Variants in TNS1 observed in about 807,000 individuals in gnomAD.
The protein encoded by TNS1 is tensin-1.
In TNS1, 62 loss-of-function variants were observed where a neutral mutation model predicts 168.6. The observed-to-expected ratio is 0.37, with a 90% CI of 0.30 to 0.45. TNS1 has a LOEUF of 0.45. Ranked by LOEUF, TNS1 falls within the 20% of genes least tolerant of loss-of-function variation. The pLI is 1.00. For synonymous variants in TNS1, 934 were observed against 933.2 expected (o/e 1.00, Z -0.02); for missense variants, 2,240 against 2,339.4 (o/e 0.96, Z 0.88).
At chr2:217,899,438 C>A (rs1952692360) in intron 7 of TNS1, among the ~76,000 whole-genome samples, 1 of 152,192 alleles carries the variant, frequency 6.6e-6, no homozygotes, top group South Asian at 2.1e-4. Flanking sequence ...CGCACACATA[C>A]CTGCAAGCAA....
intron 3 of TNS1, among the ~76,000 whole-genome samples, chr2:217,969,511 GA>G (rs57565075): frequency 0.054 from 8,098 of 148,746 alleles, 639 homozygotes; most frequent in African/African-American, 0.17. Flanking sequence ...CCAGAGAATA[GA>G]AAAAAAAAAT....
Position 218,022,560 on chromosome 2 carries a change from G to T in TNS1, c.156+11260C>A, listed in dbSNP as rs545917659. ...GAGGGGACAATGAAGAGGGGACAGG[G>T]GTGTCCCTTTGTCCCCCTGCCTGGC... On this transcript the variant is annotated intron_variant, in intron 1 of 1. Coordinates refer to the TNS1 transcript ENST00000649572. Among the ~76,000 whole-genome samples the T allele has an allele frequency of 2.0e-5, 3 of 152,182 alleles. No homozygotes were observed. In the South Asian group the frequency reaches 6.2e-4, roughly 32 times the overall value.
At chr2:217,847,489 T>A (rs754648506) in intron 19 of TNS1, 21 bp downstream of exon 19, 1 of 1,414,402 alleles carries the variant, frequency 7.1e-7, no homozygotes, top group Non-Finnish European at 9.3e-7. Context: ...GTAGAAGGAG[T>A]CAGGACTGAA....
At chr2:217,882,439 T>C (rs1950772398) in intron 16 of TNS1, 28 bp from the exon 17 acceptor site, 3 of 1,551,578 alleles carry the variant, frequency 1.9e-6, no homozygotes, top group Admixed American at 2.0e-5. Flanking sequence ...AAAATAAAAA[T>C]AGGCAAAAAG....
chr2:217,946,961 T>TCACACACACACACACA (rs1363329507), intron 3 of TNS1, among the ~76,000 whole-genome samples: 25 of 133,934 alleles, frequency 1.9e-4, no homozygotes, highest in African/African-American at 6.7e-4. Flanking sequence ...TCTCTCTCTC[T>TCACACACACACACACA]CTCTCTCTCA....
intron 22 of TNS1, among the ~76,000 whole-genome samples, chr2:217,822,889 G>A (rs551057235): frequency 4.6e-5 from 7 of 152,294 alleles, no homozygotes; most frequent in Non-Finnish European, 7.4e-5. Flanking sequence ...TGTTTACCCC[G>A]GGCCATGATC....
intron 19 of TNS1, among the ~76,000 whole-genome samples, chr2:217,843,012 G>T (rs1475547977): frequency 6.6e-6 from 1 of 152,022 alleles, no homozygotes; most frequent in Non-Finnish European, 1.5e-5. Context: ...TAAGGGCAAG[G>T]ATCTTTATTT....
chr2:217,858,845 C>T (rs1948491527), intron 18 of TNS1, among the ~76,000 whole-genome samples: 1 of 152,126 alleles, frequency 6.6e-6, no homozygotes. Context: ...ACTTATCATC[C>T]TGCAGCTATG....
At chr2:217,835,456 C>A (rs1178084974) in intron 20 of TNS1, among the ~76,000 whole-genome samples, 1 of 152,198 alleles carries the variant, frequency 6.6e-6, no homozygotes, top group East Asian at 1.9e-4. Flanking sequence ...TCTTCCAGGG[C>A]ACACATTTAA....
chr2:217,891,908 C>A (rs145982737), intron 11 of TNS1, among the ~76,000 whole-genome samples: 159 of 152,328 alleles, frequency 1.0e-3, no homozygotes, highest in African/African-American at 3.7e-3. Context: ...CATCAAGAGG[C>A]CTTCTCCAAC....
chr2:217,944,446 G>A (rs1356393437), intron 3 of TNS1, among the ~76,000 whole-genome samples: 1 of 152,218 alleles, frequency 6.6e-6, no homozygotes, highest in Non-Finnish European at 1.5e-5. Flanking sequence ...GGGCTTCTGG[G>A]TGGAGAAGAA....
chr2:217,826,290 T>G (rs886737901), intron 22 of TNS1, among the ~76,000 whole-genome samples: 2 of 152,238 alleles, frequency 1.3e-5, no homozygotes, highest in African/African-American at 4.8e-5. Flanking sequence ...TCTTCAGGGC[T>G]AAACATTAGT....
intron 16 of TNS1, 94 bp from the exon 17 acceptor site, chr2:217,882,505 A>C: frequency 1.4e-6 from 1 of 700,686 alleles, no homozygotes; most frequent in Non-Finnish European, 2.4e-6. Flanking sequence ...AATACCATAT[A>C]TGTACATGGT....
intron 30 of TNS1, 199 bp downstream of exon 30, chr2:217,809,624 G>GAT: frequency 7.4e-6 from 4 of 537,748 alleles, no homozygotes; most frequent in Non-Finnish European, 1.3e-5. Flanking sequence ...TGCATGGATG[G>GAT]GTGCATGGAT....
intron 5 of TNS1, 106 bp from the exon 6 acceptor site, chr2:217,906,491 C>A (rs887639477): frequency 4.4e-6 from 3 of 675,430 alleles, no homozygotes; most frequent in African/African-American, 1.8e-5. Flanking sequence ...GGCAGAGGGG[C>A]CTGGGAAAGA....
At chr2:218,008,310 G>C (rs188584991) in intron 1 of TNS1, among the ~76,000 whole-genome samples, 1 of 152,148 alleles carries the variant, frequency 6.6e-6, no homozygotes, top group Non-Finnish European at 1.5e-5. Context: ...ATCCACCCCC[G>C]ACCCCCAGTC....
At chr2:217,895,338 G>C (rs1196629407) in intron 8 of TNS1, among the ~76,000 whole-genome samples, 1 of 152,180 alleles carries the variant, frequency 6.6e-6, no homozygotes, top group Non-Finnish European at 1.5e-5. Flanking sequence ...AGTCCCAGCA[G>C]ACACACCGTC....
chr2:217,897,603 T>C (rs1389655651), intron 8 of TNS1, among the ~76,000 whole-genome samples, 195 bp downstream of exon 8: 3 of 152,006 alleles, frequency 2.0e-5, no homozygotes, highest in Admixed American at 1.3e-4. Context: ...TGCAGCACAC[T>C]CCTTAGAGGA....
intron 4 of TNS1, among the ~76,000 whole-genome samples, chr2:217,910,414 C>G (rs1361776627): frequency 6.6e-6 from 1 of 152,140 alleles, no homozygotes; most frequent in African/African-American, 2.4e-5. Context: ...CCCGACCCTC[C>G]TCTGCCCTCC....
Sources: allele counts gnomAD v4.1 joint callset (sites outside exome capture counted in the v4.1 genomes callset), GRCh38; gene constraint gnomAD v4.1.1; transcripts MANE v1.5; gene names NCBI Gene and HGNC (gene_info 2026-07-23, HGNC 2026-07-21).